NISCH: variants seen among roughly 807,000 people sequenced by gnomAD.
NISCH encodes I-1 receptor candidate protein.
In NISCH, 55 loss-of-function variants were observed where a neutral mutation model predicts 138.4. That is an observed-to-expected ratio of 0.40 (90% CI 0.32 to 0.50). The LOEUF is 0.50. NISCH is among the 20% of genes least tolerant of loss of function. The probability of loss-of-function intolerance (pLI) is 0.71; values close to 1 mark genes in which losing one functional copy is unlikely to be tolerated. For synonymous variants in NISCH, 860 were observed against 861.5 expected (o/e 1.00, Z 0.03); for missense variants, 1,643 against 2,005.5 (o/e 0.82, Z 3.45).
intron 4 of NISCH, chr3:52,471,442 G>T: frequency 2.9e-6 from 1 of 339,934 alleles, no homozygotes; most frequent in Non-Finnish European, 5.5e-6. Context: ...TGGCACCATA[G>T]GCCTGCGCCT....
intron 1 of NISCH, among the ~76,000 whole-genome samples, chr3:52,456,390 G>A (rs1429522278): frequency 6.6e-6 from 1 of 152,156 alleles, no homozygotes; most frequent in African/African-American, 2.4e-5. Flanking sequence ...CGTGACTTTG[G>A]GCTGTGGGAG....
chr3:52,473,965 C>G, intron 7 of NISCH, 136 bp downstream of exon 7: 1 of 505,238 alleles, frequency 2.0e-6, no homozygotes, highest in Admixed American at 3.2e-5. Flanking sequence ...GTGGGGTAGG[C>G]AGACACTCAT....
intron 3 of NISCH, among the ~76,000 whole-genome samples, chr3:52,469,802 C>T (rs768478098): frequency 1.3e-5 from 2 of 151,950 alleles, no homozygotes; most frequent in Non-Finnish European, 2.9e-5. Context: ...GTACTACCAA[C>T]TACTTGGGAG....
At chr3:52,490,407 C>T (rs1459061800) in intron 18 of NISCH, among the ~76,000 whole-genome samples, 176 bp downstream of exon 18, 1 of 152,132 alleles carries the variant, frequency 6.6e-6, no homozygotes, top group Non-Finnish European at 1.5e-5. Flanking sequence ...GGGTCCATGG[C>T]CAGATGTGAA....
chr3:52,477,695 T>A, intron 9 of NISCH, 53 bp downstream of exon 9: 1 of 1,477,170 alleles, frequency 6.8e-7, no homozygotes, highest in South Asian at 1.1e-5. Flanking sequence ...GGCCCCGCCC[T>A]GAGATTTCAG....
At position 52,478,252 on chromosome 3, in the gene NISCH, C is replaced by A. The variant is rs779967552; in HGVS notation, c.1143C>A (p.Asn381Lys). Residue 381 changes from asparagine (N) to lysine (K), a missense_variant, in exon 10 of 21, where the codon AAC becomes AAA. Physicochemically the swap from Asn to Lys is moderately conservative, Grantham distance 94. Transcript: ENST00000345716. The stretch of plus-strand genomic sequence containing the variant: ...TGCACAAGCTCTACTCACTGGTCAA[C>A]CTGGATCTCCGGGACAACAGGATCG... Reference protein sequence around the residue: ...SGLHKLYSLVNLDLRDNRIEQ... With the variant: ...SGLHKLYSLVKLDLRDNRIEQ... The A allele has an allele frequency of 1.9e-6, 3 of 1,614,096 alleles. No individual in the cohort carries two copies. The highest frequency in any genetic ancestry group is 1.7e-6 in the Non-Finnish European group (2 of 1,179,978).
At position 52,492,117 on chromosome 3, in the gene NISCH, G is replaced by A; in HGVS notation, c.4150G>A (p.Asp1384Asn). 5.0e-6 allele frequency: 8 copies of A among 1,613,074 alleles called. No homozygotes were observed. Among genetic ancestry groups the A allele is most frequent in the African/African-American group, 1.3e-5 (1 of 75,048 alleles). The change falls in exon 21 of 21, where the codon GAT becomes AAT. Residue 1384 changes from aspartate (D) to asparagine (N), a missense_variant. Asp to Asn is a conservative substitution (Grantham distance 23). Coordinates refer to ENST00000345716, the MANE Select transcript of NISCH (RefSeq NM_007184.4). ...CACCAGCTCCGAGATCTTCCTCCTG[G>A]ATGAGGACTGTGTCCACTACCCACT... ...LLTSSEIFLL[D>N]EDCVHYPLPE... is the part of the protein sequence containing the mutation.
rs775584069 is a variant in NISCH at position 52,484,555 on chromosome 3, C to T, written c.1571C>T (p.Ser524Leu). 2.7e-5 allele frequency: 43 copies of T among 1,613,102 alleles called. No homozygotes were observed. The highest frequency in any genetic ancestry group is 2.2e-5 in the East Asian group (1 of 44,848). Residue 524 changes from serine (S) to leucine (L), a missense_variant, in exon 14 of 21, where the codon TCG becomes TTG. Coordinates refer to ENST00000345716, the MANE Select transcript of NISCH (RefSeq NM_007184.4). ...VQEEALASSL[S>L]STDSLTPEHQ... Reference sequence around the variant, plus strand: ...GAGGAGGCCCTGGCCAGCAGCCTCTCGTCCACTGACAGTCTGACTCCCGAG... The same window carrying T: ...GAGGAGGCCCTGGCCAGCAGCCTCTTGTCCACTGACAGTCTGACTCCCGAG...
Position 52,490,090 on chromosome 3 carries a change from C to T in NISCH, c.3472C>T (p.Leu1158=), listed in dbSNP as rs1287852973. ...CCGTCTTCAGGTTGAAAACGAGGAG[C>T]TGAGGCACCTCATGTGGTCCTCGGT... ...SSIAEVENEE[L]RHLMWSSVVF... is the part of the protein sequence containing the mutation. The change falls in exon 18 of 21, where the codon CTG becomes TTG. Residue 1158 remains leucine (L), a synonymous_variant. Transcript: ENST00000345716. The T allele has an allele frequency of 6.2e-7, 1 of 1,613,604 alleles. No homozygotes were observed. Among genetic ancestry groups the T allele is most frequent in the Non-Finnish European group, 8.5e-7 (1 of 1,179,998 alleles).
At chr3:52,469,140 T>C (rs889147713) in intron 3 of NISCH, among the ~76,000 whole-genome samples, 1 of 152,230 alleles carries the variant, frequency 6.6e-6, no homozygotes, top group African/African-American at 2.4e-5. Flanking sequence ...CGTGAATTGC[T>C]TGTCCTGGTG....
chr3:52,470,594 C>T (rs373711679), intron 3 of NISCH: 6 of 544,072 alleles, frequency 1.1e-5, no homozygotes, highest in African/African-American at 7.6e-5. Flanking sequence ...GGCTACAGTG[C>T]CCTTGGCCCT....
chr3:52,483,255 G>C (rs563496360), intron 13 of NISCH, among the ~76,000 whole-genome samples: 15 of 152,318 alleles, frequency 9.8e-5, no homozygotes, highest in Non-Finnish European at 1.5e-4. Context: ...CAGGCTGTGT[G>C]AGTTGTCCTG....
At chr3:52,484,462 T>TTGGCCGC in intron 13 of NISCH, 51 bp from the exon 14 acceptor site, 1 of 788,670 alleles carries the variant, frequency 1.3e-6, no homozygotes, top group Non-Finnish European at 1.8e-6. Flanking sequence ...ACAGCCGCTC[T>TTGGCCGC]CCCCGCCCCA....
At position 52,490,072 on chromosome 3, in the gene NISCH, C is replaced by T; in HGVS notation, c.3457-3C>T. On this transcript the variant is annotated splice_polypyrimidine_tract_variant and splice_region_variant and intron_variant, in intron 17 of 20. Coordinates refer to ENST00000345716, the MANE Select transcript of NISCH (RefSeq NM_007184.4). ...GAGCTGACAGGAGGCCCCCCGTCTT[C>T]AGGTTGAAAACGAGGAGCTGAGGCA... 6.2e-7 allele frequency: 1 copy of T among 1,613,466 alleles called. No homozygotes were observed. Among genetic ancestry groups the T allele is most frequent in the East Asian group, 2.2e-5 (1 of 44,864 alleles).
chr3:52,484,531 A>G lies in NISCH; in HGVS notation c.1547A>G (p.Glu516Gly). The G allele has an allele frequency of 2.1e-6, 3 of 1,462,646 alleles. No homozygotes were observed. The highest frequency in any genetic ancestry group is 2.7e-6 in the Non-Finnish European group (3 of 1,091,852). The allele number at this position is 1,462,646 out of a possible 1,614,324, so 90.6% of individuals were successfully genotyped here. A position where few individuals can be genotyped will look rare whatever the true frequency, so the allele number is the denominator to read the frequency against. ...LSNQGIMFVQ[E>G]EALASSLSST... ...TCTCCAGGAATCATGTTCGTTCAGGAGGAGGCCCTGGCCAGCAGCCTCTCG... is the reference window on the plus strand; with the variant it reads ...TCTCCAGGAATCATGTTCGTTCAGGGGGAGGCCCTGGCCAGCAGCCTCTCG... The change falls in exon 14 of 21, where the codon GAG (glutamate) becomes GGG (glycine). Residue 516 changes from glutamate to glycine, a missense_variant. Glu to Gly is a moderately conservative substitution (Grantham distance 98). Transcript: ENST00000345716.
intron 13 of NISCH, chr3:52,480,980 G>T: frequency 6.8e-7 from 1 of 1,465,124 alleles, no homozygotes; most frequent in African/African-American, 1.4e-5. Flanking sequence ...TGGAGCCGAG[G>T]CTCGGGACAC....
At chr3:52,471,572 CAG>C in intron 4 of NISCH, 1 of 575,560 alleles carries the variant, frequency 1.7e-6, no homozygotes, top group Non-Finnish European at 3.1e-6. Context: ...ACTCCTCCCT[CAG>C]TGGCTCCCCA....
intron 1 of NISCH, among the ~76,000 whole-genome samples, chr3:52,456,885 G>T (rs953328718): frequency 3.9e-5 from 6 of 152,172 alleles, no homozygotes; most frequent in African/African-American, 1.4e-4. Context: ...CTGGCCATCA[G>T]CTATGGGCAC....
At chr3:52,457,239 C>T (rs560723015) in intron 1 of NISCH, among the ~76,000 whole-genome samples, 2 of 152,356 alleles carry the variant, frequency 1.3e-5, no homozygotes, top group East Asian at 3.9e-4. Context: ...CTTCCTTAAC[C>T]TCTAGGCCAT....
Sources: gnomAD v4.1 joint callset for allele counts (sites outside exome capture counted in the v4.1 genomes callset) on GRCh38, gnomAD v4.1.1 for gene constraint, MANE v1.5 for transcripts, NCBI Gene and HGNC (gene_info 2026-07-23, HGNC 2026-07-21) for gene names.